ZDHHC21: variants seen among roughly 807,000 people sequenced by gnomAD.
The protein encoded by ZDHHC21 is palmitoyltransferase ZDHHC21.
In ZDHHC21, 15 loss-of-function variants were observed where a neutral mutation model predicts 34.6. That is an observed-to-expected ratio of 0.43 (90% CI 0.29 to 0.67). ZDHHC21 has a LOEUF of 0.67. Ranked by LOEUF, ZDHHC21 falls within the 30% of genes least tolerant of loss-of-function variation. The pLI, the probability that ZDHHC21 is intolerant of heterozygous loss-of-function variation, is 0.14. For synonymous variants in ZDHHC21, 142 were observed against 101.8 expected, an observed-to-expected ratio of 1.40 and a Z score of -2.38; for missense variants, 344 against 327.7, an observed-to-expected ratio of 1.05 and a Z score of -0.38.
intron 5 of ZDHHC21, among the ~76,000 whole-genome samples, chr9:14,663,743 T>C (rs2034005826): frequency 6.6e-6 from 1 of 152,174 alleles, no homozygotes; most frequent in South Asian, 2.1e-4. Flanking sequence ...TGAGAAATTA[T>C]CTCTTATACT....
the ZDHHC21 span, among the ~76,000 whole-genome samples, chr9:14,601,804 T>TACTA: frequency 6.6e-6 from 1 of 152,316 alleles, no homozygotes; most frequent in South Asian, 2.1e-4. Context: ...TATCATGGAA[T>TACTA]ACTATGCAGC....
chr9:14,634,125 T>C (rs1564238536), intron 8 of ZDHHC21, among the ~76,000 whole-genome samples: 1 of 152,018 alleles, frequency 6.6e-6, no homozygotes, highest in Non-Finnish European at 1.5e-5. Flanking sequence ...AACACTCCTC[T>C]CAGGGGCCAG....
chr9:14,622,407 TG>T lies in ZDHHC21; in HGVS notation c.622-2726del, dbSNP rs769980716. 16 of 284,114 alleles carry T rather than the reference TG, an allele frequency of 5.6e-5. No individual in the cohort carries two copies. In the East Asian group the frequency reaches 6.2e-4, roughly 11 times the overall value. The allele number at this position is 284,114 out of a possible 1,614,324, so 17.6% of individuals were successfully genotyped here. On this transcript the variant is annotated intron_variant, in intron 8 of 9. Transcript: ENST00000380916. ...CTAAGTAGTAAAATTATACCTGGAA[TG>T]GGGGGGCGGGGAAGTTCCTAAGAGA...
chr9:14,627,200 C>T (rs1213085171), intron 8 of ZDHHC21, among the ~76,000 whole-genome samples: 2 of 152,228 alleles, frequency 1.3e-5, no homozygotes, highest in East Asian at 3.9e-4. Context: ...TCGACTGATT[C>T]GTAAAATGCT....
At chr9:14,666,663 T>C (rs199569091) in intron 5 of ZDHHC21, among the ~76,000 whole-genome samples, 55,575 of 90,942 alleles carry the variant, frequency 0.61, 18,505 homozygotes, top group African/African-American at 0.67. Flanking sequence ...CAGACCACAG[T>C]GCAATCAAAC....
chr9:14,653,145 T>A (rs1172557283), intron 7 of ZDHHC21, among the ~76,000 whole-genome samples: 1 of 151,926 alleles, frequency 6.6e-6, no homozygotes, highest in East Asian at 1.9e-4. Flanking sequence ...ATATCCTGAA[T>A]AATAGAAAGG....
intron 7 of ZDHHC21, among the ~76,000 whole-genome samples, chr9:14,654,461 C>A (rs1831826141): frequency 6.6e-6 from 1 of 151,682 alleles, no homozygotes; most frequent in South Asian, 2.1e-4. Context: ...ATTTGTCATG[C>A]AAAATGCTCA....
At chr9:14,623,604 G>T (rs1278897624) in intron 8 of ZDHHC21, among the ~76,000 whole-genome samples, 1 of 146,938 alleles carries the variant, frequency 6.8e-6, no homozygotes, top group African/African-American at 2.5e-5. Context: ...CTGACAAGGG[G>T]TTAATACCCA....
At chr9:14,646,858 T>C (rs955849510) in intron 7 of ZDHHC21, among the ~76,000 whole-genome samples, 29 of 152,154 alleles carry the variant, frequency 1.9e-4, no homozygotes, top group Admixed American at 1.6e-3. Flanking sequence ...TTATTTGTTG[T>C]TTTGTCTCTC....
Position 14,613,998 on chromosome 9 carries a change from T to G in ZDHHC21, c.*4968A>C, listed in dbSNP as rs985514697. ...AAGAGAAACCGCAATATAAATTCTT[T>G]AAGTTAAATAATTCAAACTAAATGC... On this transcript the variant is annotated 3_prime_UTR_variant, in exon 10 of 10. Transcript: ENST00000380916. 6 of 151,840 alleles carry G rather than the reference T, an allele frequency of 4.0e-5. No homozygotes were observed. The highest frequency in any genetic ancestry group is 7.4e-5 in the Non-Finnish European group (5 of 67,804). The allele number at this position is 151,840 out of a possible 1,614,324, so 9.4% of individuals were successfully genotyped here. A position where few individuals can be genotyped will look rare whatever the true frequency, so the allele number is the denominator to read the frequency against.
At chr9:14,650,994 T>C (rs975888078) in intron 7 of ZDHHC21, among the ~76,000 whole-genome samples, 1 of 151,936 alleles carries the variant, frequency 6.6e-6, no homozygotes, top group African/African-American at 2.4e-5. Flanking sequence ...AAAAAGAAGC[T>C]AAAGGACATA....
chr9:14,589,005 G>A, the ZDHHC21 span: 1 of 147,336 alleles, frequency 6.8e-6, no homozygotes, highest in Non-Finnish European at 1.5e-5. Flanking sequence ...TCATCCTCTT[G>A]CAACCAAGCA....
In ZDHHC21 at chr9:14,616,671, T is replaced by C. The variant is rs1474269271; in HGVS notation, c.*2295A>G. ...TAACAAAACCCACAGGAGAGTTAGG[T>C]ACGCTAACTGGGGAATACTGAAAGT... On this transcript the variant is annotated 3_prime_UTR_variant, in exon 10 of 10. Transcript: ENST00000380916. 1.3e-5 allele frequency: 2 copies of C among 151,860 alleles called. No individual in the cohort carries two copies. Among genetic ancestry groups the C allele is most frequent in the Non-Finnish European group, 2.9e-5 (2 of 67,820 alleles). 9.4% of individuals were successfully genotyped at this position (151,860 alleles called of 1,614,324 possible). A position where few individuals can be genotyped will look rare whatever the true frequency, so the allele number is the denominator to read the frequency against.
chr9:14,630,502 C>T (rs1032293397), intron 8 of ZDHHC21, among the ~76,000 whole-genome samples: 6 of 152,132 alleles, frequency 3.9e-5, no homozygotes, highest in African/African-American at 9.7e-5. Flanking sequence ...TCCAAACTCC[C>T]GTTCATATTG....
chr9:14,683,298 G>A (rs187541463), intron 2 of ZDHHC21, among the ~76,000 whole-genome samples: 41 of 146,940 alleles, frequency 2.8e-4, no homozygotes, highest in South Asian at 2.0e-3. Context: ...TTGATAGACC[G>A]CTAGCAAGAC....
chr9:14,633,975 G>C (rs760237610), intron 8 of ZDHHC21, among the ~76,000 whole-genome samples: 4 of 152,142 alleles, frequency 2.6e-5, no homozygotes, highest in Non-Finnish European at 4.4e-5. Flanking sequence ...GTACCACCAG[G>C]GGACCTGAGG....
downstream of ZDHHC21, among the ~76,000 whole-genome samples, chr9:14,607,452 A>G (rs1307132816): frequency 1.3e-5 from 2 of 152,192 alleles, no homozygotes; most frequent in East Asian, 3.8e-4. Context: ...ATATCATTAT[A>G]TGATAGGAAT....
chr9:14,682,303 G>A (rs370585932), intron 2 of ZDHHC21, among the ~76,000 whole-genome samples: 242 of 152,200 alleles, frequency 1.6e-3, no homozygotes, highest in African/African-American at 5.4e-3. Flanking sequence ...CCCATCTCAC[G>A]TGCAGAGACA....
intron 8 of ZDHHC21, among the ~76,000 whole-genome samples, chr9:14,634,708 C>A (rs1393947072): frequency 6.6e-6 from 1 of 152,106 alleles, no homozygotes; most frequent in Non-Finnish European, 1.5e-5. Context: ...TCCTCTCCCA[C>A]AAAAGCAAAT....
Sources: gnomAD v4.1 joint callset for allele counts (sites outside exome capture counted in the v4.1 genomes callset) on GRCh38, gnomAD v4.1.1 for gene constraint, MANE v1.5 for transcripts, NCBI Gene and HGNC (gene_info 2026-07-23, HGNC 2026-07-21) for gene names.